Variants in PCDHA10 observed in about 807,000 individuals in gnomAD.
The protein encoded by PCDHA10 is protocadherin alpha 10.
PCDHA10 carries 45 observed loss-of-function variants against 61.2 expected under a neutral mutation model. That is an observed-to-expected ratio of 0.74 (90% confidence interval 0.58 to 0.94). The LOEUF (loss-of-function observed/expected upper bound fraction) is 0.94, where lower values mean the gene tolerates loss of function less well. Ranked by LOEUF, PCDHA10 falls within the 40% of genes least tolerant of loss-of-function variation. The pLI is 0.00. For synonymous variants in PCDHA10, 602 were observed against 548.8 expected (o/e 1.10, Z -1.35); for missense variants, 1,278 against 1,236.2 (o/e 1.03, Z -0.51).
intron 1 of PCDHA10, among the ~76,000 whole-genome samples, chr5:140,880,234 G>T (rs560785672): frequency 1.8e-4 from 28 of 152,250 alleles, no homozygotes; most frequent in Non-Finnish European, 2.8e-4. Context: ...TTAAATTAGT[G>T]TATGTGCGTG....
intron 1 of PCDHA10, among the ~76,000 whole-genome samples, chr5:140,922,043 C>T (rs1305034895): frequency 6.6e-6 from 1 of 152,068 alleles, no homozygotes; most frequent in East Asian, 1.9e-4. Flanking sequence ...AATTTTCCCA[C>T]ATACCTTCAA....
intron 1 of PCDHA10, chr5:140,884,558 C>T: frequency 3.7e-6 from 6 of 1,614,146 alleles, no homozygotes; most frequent in Non-Finnish European, 5.1e-6. Flanking sequence ...TGGGGAGGGC[C>T]CGCATAAGAC....
chr5:140,869,650 C>A, intron 1 of PCDHA10: 1 of 1,613,504 alleles, frequency 6.2e-7, no homozygotes, highest in African/African-American at 1.3e-5. Flanking sequence ...TTTAGATTCA[C>A]CAACAAATGG....
chr5:140,920,204 G>A (rs185996994), intron 1 of PCDHA10, among the ~76,000 whole-genome samples: 3 of 152,222 alleles, frequency 2.0e-5, no homozygotes, highest in Admixed American at 1.3e-4. Context: ...AGCAGCCACA[G>A]AAAACCAATG....
intron 1 of PCDHA10, chr5:140,876,828 G>T: frequency 1.2e-6 from 2 of 1,614,170 alleles, no homozygotes; most frequent in Non-Finnish European, 1.7e-6. Context: ...ACGACAATGC[G>T]CCTGCGTTCG....
intron 1 of PCDHA10, among the ~76,000 whole-genome samples, chr5:140,895,206 A>G (rs948962776): frequency 6.6e-6 from 1 of 151,808 alleles, no homozygotes; most frequent in Non-Finnish European, 1.5e-5. Flanking sequence ...ATTTGCTTTT[A>G]TTTCTAATAT....
In PCDHA10 at chr5:140,982,461, G is replaced by A. The variant is rs765899879; in HGVS notation, c.2448-14G>A. The A allele has an allele frequency of 4.7e-5, 76 of 1,614,088 alleles. No individual in the cohort carries two copies. The highest frequency in any genetic ancestry group is 5.8e-5 in the Non-Finnish European group (68 of 1,180,014). On this transcript the variant is annotated splice_polypyrimidine_tract_variant and intron_variant, in intron 2 of 3. Coordinates refer to ENST00000307360, the MANE Select transcript of PCDHA10 (RefSeq NM_018901.4). ...TATGATCTAACCGTTATCTGGGTCTGTGTGTTTATTCAGCTCTGTGCACCT... is the reference window on the plus strand; with the variant it reads ...TATGATCTAACCGTTATCTGGGTCTATGTGTTTATTCAGCTCTGTGCACCT...
Position 141,009,840 on chromosome 5 carries a change from A to T in PCDHA10, c.2750A>T (p.Lys917Met), listed in dbSNP as rs782270689. 1 of 1,614,186 alleles carries T rather than the reference A, an allele frequency of 6.2e-7. No individual in the cohort carries two copies. The highest frequency in any genetic ancestry group is 1.7e-5 in the Admixed American group (1 of 60,024). The change falls in exon 4 of 4, where the codon AAG (lysine) becomes ATG (methionine). Residue 917 changes from lysine (K) to methionine (M), a missense_variant. Lys to Met is a moderately conservative substitution (Grantham distance 95). Coordinates refer to ENST00000307360, the MANE Select transcript of PCDHA10 (RefSeq NM_018901.4). ...AGTGACTTCATAACCTTCGGCAAAA[A>T]GGAGGAGACCAAGAAAAAGAAGAAA... Reference protein sequence around the residue: ...DKSDFITFGKKEETKKKKKKK... With the variant: ...DKSDFITFGKMEETKKKKKKK...
At chr5:140,931,662 T>C (rs905670675) in intron 1 of PCDHA10, among the ~76,000 whole-genome samples, 2 of 152,028 alleles carry the variant, frequency 1.3e-5, no homozygotes, top group Non-Finnish European at 2.9e-5. Context: ...GTGGGCTGGA[T>C]ATTTCCTTAT....
At position 140,973,495 on chromosome 5, in the gene PCDHA10, T is replaced by TA. The variant is rs148545809; in HGVS notation, c.2389-5454_2389-5453insA. Among the ~76,000 whole-genome samples, 585 of 152,336 alleles carry TA rather than the reference T, an allele frequency of 3.8e-3. 2 individuals are homozygous for TA. Among genetic ancestry groups the TA allele is most frequent in the African/African-American group, 0.013 (553 of 41,574 alleles). ...AATTTCATATTGGTCACAGGACTCTTCTTCTGAGAAAAAGTTTATTTTCTT... is the reference window on the plus strand; with the variant it reads ...AATTTCATATTGGTCACAGGACTCTTACTTCTGAGAAAAAGTTTATTTTCTT... On this transcript the variant is annotated intron_variant, in intron 1 of 3. Coordinates refer to ENST00000307360, the MANE Select transcript of PCDHA10 (RefSeq NM_018901.4).
intron 1 of PCDHA10, among the ~76,000 whole-genome samples, chr5:140,937,282 C>T (rs2091446146): frequency 6.6e-6 from 1 of 152,060 alleles, no homozygotes; most frequent in Admixed American, 6.6e-5. Context: ...CGTGATTCAC[C>T]CGCTTCGGCC....
chr5:140,914,852 C>T (rs2076867528), intron 1 of PCDHA10, among the ~76,000 whole-genome samples: 1 of 151,838 alleles, frequency 6.6e-6, no homozygotes, highest in Non-Finnish European at 1.5e-5. Flanking sequence ...AAAAGGAAGA[C>T]TAATAAAAGT....
chr5:140,916,060 C>G (rs1554197265), intron 1 of PCDHA10, among the ~76,000 whole-genome samples: 1 of 152,174 alleles, frequency 6.6e-6, no homozygotes, highest in Non-Finnish European at 1.5e-5. Flanking sequence ...GGTGCCTCTC[C>G]CTGTGGCCAG....
chr5:140,858,487 C>G (rs896590695), intron 1 of PCDHA10, 51 bp downstream of exon 1: 5 of 1,499,788 alleles, frequency 3.3e-6, no homozygotes, highest in Non-Finnish European at 4.5e-6. Flanking sequence ...ATAATATTTT[C>G]TCTTACCGCA....
At chr5:140,916,252 G>A (rs2077495466) in intron 1 of PCDHA10, among the ~76,000 whole-genome samples, 1 of 152,176 alleles carries the variant, frequency 6.6e-6, no homozygotes, top group Admixed American at 6.5e-5. Flanking sequence ...TGGACTTGGG[G>A]ACCCCAAGAG....
chr5:140,872,861 C>T (rs1554166414), intron 1 of PCDHA10, among the ~76,000 whole-genome samples: 1 of 152,182 alleles, frequency 6.6e-6, no homozygotes, highest in African/African-American at 2.4e-5. Context: ...TGAGTACCTA[C>T]TGACAATTAT....
intron 1 of PCDHA10, among the ~76,000 whole-genome samples, chr5:140,971,717 T>C (rs2096494226): frequency 6.6e-6 from 1 of 152,012 alleles, no homozygotes; most frequent in Non-Finnish European, 1.5e-5. Flanking sequence ...TATAGATATA[T>C]GTATATCATA....
chr5:140,931,259 CTATT>C (rs1407255574), intron 1 of PCDHA10, among the ~76,000 whole-genome samples: 2 of 152,080 alleles, frequency 1.3e-5, no homozygotes, highest in African/African-American at 4.8e-5. Flanking sequence ...AGAAATTTCA[CTATT>C]TATTTCTTTT....
At chr5:140,882,621 A>T (rs374336585) in intron 1 of PCDHA10, 1 of 1,614,094 alleles carries the variant, frequency 6.2e-7, no homozygotes, top group African/African-American at 1.3e-5. Context: ...CAGGTTTTCC[A>T]TGTGGAGGTG....
Sources: gnomAD v4.1 joint callset for allele counts (sites outside exome capture counted in the v4.1 genomes callset) on GRCh38, gnomAD v4.1.1 for gene constraint, MANE v1.5 for transcripts, NCBI Gene and HGNC (gene_info 2026-07-23, HGNC 2026-07-21) for gene names.